The following NELL2 variants were observed in gnomAD, a reference collection of about 807,000 sequenced individuals.
NELL2 encodes neural EGFL like 2.
A neutral mutation model predicts 109.6 loss-of-function variants in NELL2; 41 were observed. The ratio of observed to expected loss-of-function variants is 0.37; its 90% confidence interval spans 0.29 to 0.49. The LOEUF is 0.49. Among genes scored for constraint, NELL2 ranks in the 20% least tolerant of loss-of-function variants. The pLI is 0.98. For missense variants in NELL2, 900 were observed against 1,008.3 expected, an observed-to-expected ratio of 0.89 and a Z score of 1.45; for synonymous variants, 355 against 344.7, an observed-to-expected ratio of 1.03 and a Z score of -0.33.
rs565244238 is a variant in NELL2, at chr12:44,596,919, T to C, written c.1663+10250A>G. On this transcript the variant is annotated intron_variant, in intron 15 of 19. Coordinates refer to ENST00000429094, the MANE Select transcript of NELL2 (RefSeq NM_001145108.2). The stretch of plus-strand genomic sequence containing the variant: ...ACTGCTTGTTTATTATTACACTAAA[T>C]GCCCTTAGACATGGAGTTTGAAGCA... Among the ~76,000 whole-genome samples the C allele has an allele frequency of 2.0e-5, 3 of 152,284 alleles. No individual in the cohort carries two copies. The South Asian group carries it at 6.2e-4, about 32-fold the overall frequency.
At chr12:44,515,085 A>T (rs2138966129) in intron 19 of NELL2, among the ~76,000 whole-genome samples, 1 of 151,940 alleles carries the variant, frequency 6.6e-6, no homozygotes, top group Admixed American at 6.6e-5. Flanking sequence ...GGTGTATAAA[A>T]TATAGATAGG....
intron 15 of NELL2, among the ~76,000 whole-genome samples, chr12:44,570,343 C>G (rs1236293708): frequency 1.3e-5 from 2 of 152,118 alleles, no homozygotes; most frequent in African/African-American, 2.4e-5. Flanking sequence ...ACTGCTCCAC[C>G]ATGTAGCCCT....
chr12:44,557,993 A>G (rs1256210948), intron 15 of NELL2, among the ~76,000 whole-genome samples: 1 of 152,230 alleles, frequency 6.6e-6, no homozygotes, highest in Non-Finnish European at 1.5e-5. Flanking sequence ...GGGAGTACAA[A>G]TTGAAATAAG....
chr12:44,529,893 T>C (rs1479105044), intron 16 of NELL2, among the ~76,000 whole-genome samples: 1 of 152,228 alleles, frequency 6.6e-6, no homozygotes, highest in Admixed American at 6.5e-5. Context: ...TTGGGAGATA[T>C]GTCTGTAGAA....
intron 9 of NELL2, among the ~76,000 whole-genome samples, chr12:44,770,987 G>A (rs919151854): frequency 1.3e-5 from 2 of 151,982 alleles, no homozygotes; most frequent in African/African-American, 2.4e-5. Context: ...TGATTTCCTA[G>A]AATTTCAGTC....
intron 15 of NELL2, among the ~76,000 whole-genome samples, chr12:44,538,353 G>T (rs1438350531): frequency 6.6e-6 from 1 of 152,198 alleles, no homozygotes; most frequent in Non-Finnish European, 1.5e-5. Flanking sequence ...AGGCCTCACA[G>T]GAGAAGCAGT....
intron 3 of NELL2, among the ~76,000 whole-genome samples, chr12:44,810,020 G>A (rs1592578449): frequency 1.3e-5 from 2 of 152,134 alleles, no homozygotes; most frequent in East Asian, 3.9e-4. Context: ...TCATGCTAGA[G>A]TTAAGGACAT....
At chr12:44,822,263 T>C (rs1943571115) in intron 2 of NELL2, among the ~76,000 whole-genome samples, 1 of 152,160 alleles carries the variant, frequency 6.6e-6, no homozygotes. Context: ...AGGATTATAA[T>C]GTTATTATTA....
intron 9 of NELL2, among the ~76,000 whole-genome samples, chr12:44,755,703 C>A (rs1940859299): frequency 6.6e-6 from 1 of 152,298 alleles, no homozygotes; most frequent in African/African-American, 2.4e-5. Context: ...CTTGTTAGTG[C>A]TTCCTGTTCC....
chr12:44,538,667 G>A (rs947187609), intron 15 of NELL2, among the ~76,000 whole-genome samples: 4 of 152,102 alleles, frequency 2.6e-5, no homozygotes, highest in African/African-American at 9.7e-5. Flanking sequence ...ATGAGACTAC[G>A]TTTTATAAAG....
At chr12:44,764,202 A>G (rs1941237460) in intron 9 of NELL2, among the ~76,000 whole-genome samples, 1 of 152,220 alleles carries the variant, frequency 6.6e-6, no homozygotes, top group African/African-American at 2.4e-5. Context: ...AACCTTTTAC[A>G]TAGATACTTT....
chr12:44,785,688 C>A (rs879743270), intron 3 of NELL2, among the ~76,000 whole-genome samples: 1 of 152,048 alleles, frequency 6.6e-6, no homozygotes, highest in Admixed American at 6.5e-5. Flanking sequence ...GATATATAGT[C>A]CAGTGAAACA....
chr12:44,743,464 A>G (rs1241325490), intron 9 of NELL2, among the ~76,000 whole-genome samples: 2 of 152,174 alleles, frequency 1.3e-5, no homozygotes, highest in African/African-American at 2.4e-5. Flanking sequence ...TTAACTTTAA[A>G]TGTTAATGGG....
At chr12:44,753,861 T>TC (rs397735728) in intron 9 of NELL2, among the ~76,000 whole-genome samples, 4 of 151,676 alleles carry the variant, frequency 2.6e-5, no homozygotes. Flanking sequence ...AAGGAATGTT[T>TC]TGTTAAAATT....
chr12:44,611,586 G>A (rs1296722883), intron 13 of NELL2, among the ~76,000 whole-genome samples: 1 of 152,028 alleles, frequency 6.6e-6, no homozygotes, highest in Non-Finnish European at 1.5e-5. Context: ...ACAAACTTTA[G>A]AATATGTAAT....
chr12:44,550,444 T>C (rs1003196449), intron 15 of NELL2, among the ~76,000 whole-genome samples: 2 of 149,670 alleles, frequency 1.3e-5, no homozygotes, highest in South Asian at 2.1e-4. Flanking sequence ...TTCAGGAGAC[T>C]GAGGCAGGAA....
rs747677751 is a variant in NELL2, at chr12:44,508,895, A to C, written c.*39T>G. On this transcript the variant is annotated 3_prime_UTR_variant, in exon 20 of 20. Transcript: ENST00000429094. ...TTCTTTTTGGTCTTTTAATGAAAGA[A>C]CATTCTTTTAACAGAAATCTCCCAT... is the stretch of plus-strand genomic sequence containing the variant. 7 of 1,564,534 alleles carry C rather than the reference A, an allele frequency of 4.5e-6. No homozygotes were observed. Among genetic ancestry groups the C allele is most frequent in the Non-Finnish European group, 6.1e-6 (7 of 1,145,728 alleles).
chr12:44,593,676 T>G (rs1187461107), intron 15 of NELL2, among the ~76,000 whole-genome samples: 1 of 152,208 alleles, frequency 6.6e-6, no homozygotes, highest in African/African-American at 2.4e-5. Flanking sequence ...ATGGCCACAC[T>G]GTCTTCCACA....
chr12:44,895,782 T>TAAAGATTGGCTG lies in NELL2; in HGVS notation c.38+18016_38+18017insCAGCCAATCTTT, dbSNP rs1282653217. Among the ~76,000 whole-genome samples, 10 of 152,266 alleles carry TAAAGATTGGCTG rather than the reference T, an allele frequency of 6.6e-5. No homozygotes were observed. In the East Asian group the frequency reaches 1.9e-3, roughly 29 times the overall value. On this transcript the variant is annotated intron_variant, in intron 1 of 20. Coordinates refer to the NELL2 transcript ENST00000333837. ...CCACCCCAGGGCACATTCTTCCACC[T>TAAAGATTGGCTG]TGAGATTCACAGCCTAAAGAATTCA... is the stretch of plus-strand genomic sequence containing the variant.
Sources: gnomAD v4.1 joint callset for allele counts (sites outside exome capture counted in the v4.1 genomes callset) on GRCh38, gnomAD v4.1.1 for gene constraint, MANE v1.5 for transcripts, NCBI Gene and HGNC (gene_info 2026-07-23, HGNC 2026-07-21) for gene names.